The following PRUNE2 variants were observed in gnomAD, a reference collection of about 807,000 sequenced individuals.
The protein encoded by PRUNE2 is prune homolog 2 with BCH domain.
A neutral mutation model predicts 252.0 loss-of-function variants in PRUNE2; 164 were observed. The observed-to-expected ratio is 0.65, with a 90% CI of 0.57 to 0.74. PRUNE2 has a LOEUF of 0.74. Ranked by LOEUF, PRUNE2 falls within the 30% of genes least tolerant of loss-of-function variation. The pLI is 0.00. For synonymous variants in PRUNE2, 1,292 were observed against 1,350.2 expected, an observed-to-expected ratio of 0.96 and a Z score of 0.94; for missense variants, 3,495 against 3,711.0, an observed-to-expected ratio of 0.94 and a Z score of 1.51.
chr9:76,896,478 T>A (rs1182011532), intron 1 of PRUNE2, among the ~76,000 whole-genome samples: 1 of 152,180 alleles, frequency 6.6e-6, no homozygotes, highest in Non-Finnish European at 1.5e-5. Flanking sequence ...ACCGTGGACA[T>A]AAGAACTGTT....
intron 1 of PRUNE2, among the ~76,000 whole-genome samples, chr9:76,897,394 T>A: frequency 2.3e-5 from 1 of 43,946 alleles, no homozygotes; most frequent in South Asian, 9.8e-4. Flanking sequence ...AAACCTCTTT[T>A]TTTTTTTTTT....
At chr9:76,837,406 C>A (rs373888271) in intron 4 of PRUNE2, among the ~76,000 whole-genome samples, 1 of 151,146 alleles carries the variant, frequency 6.6e-6, no homozygotes, top group African/African-American at 2.4e-5. Context: ...TGTGCCATTG[C>A]ACTCCGGCCT....
chr9:76,785,012 T>C (rs2054826022), intron 6 of PRUNE2: 1 of 152,190 alleles, frequency 6.6e-6, no homozygotes, highest in African/African-American at 2.4e-5. Flanking sequence ...AAGTCCTTTA[T>C]CCCTCCCCTT....
intron 11 of PRUNE2, among the ~76,000 whole-genome samples, chr9:76,645,902 T>TAAGTA (rs933528478): frequency 4.6e-5 from 7 of 152,250 alleles, no homozygotes; most frequent in Admixed American, 4.6e-4. Context: ...ACTATTGTGT[T>TAAGTA]AAGTATTGAC....
chr9:76,825,084 CCT>C (rs567058001), intron 5 of PRUNE2, among the ~76,000 whole-genome samples: 87 of 152,282 alleles, frequency 5.7e-4, no homozygotes, highest in African/African-American at 2.0e-3. Flanking sequence ...CCAGCACCTG[CCT>C]CTCTTTTCCT....
At chr9:76,680,298 A>G (rs2043282572) in intron 9 of PRUNE2, among the ~76,000 whole-genome samples, 1 of 152,216 alleles carries the variant, frequency 6.6e-6, no homozygotes, top group Admixed American at 6.5e-5. Context: ...AATCAAAACT[A>G]CAATGATATA....
intron 6 of PRUNE2, among the ~76,000 whole-genome samples, chr9:76,731,322 ATATTT>A (rs1239582763): frequency 2.0e-5 from 2 of 101,514 alleles, no homozygotes; most frequent in East Asian, 3.8e-4. Context: ...ATATATATAT[ATATTT>A]TTTTTTTTTT....
intron 6 of PRUNE2, among the ~76,000 whole-genome samples, chr9:76,715,570 T>C (rs141681582): frequency 1.0e-3 from 154 of 152,374 alleles, no homozygotes; most frequent in African/African-American, 3.5e-3. Flanking sequence ...ATGACATTTA[T>C]GATCATATAA....
chr9:76,753,228 T>C (rs2050786597), intron 6 of PRUNE2, among the ~76,000 whole-genome samples: 1 of 152,042 alleles, frequency 6.6e-6, no homozygotes, highest in Non-Finnish European at 1.5e-5. Flanking sequence ...TGGAGTCTCA[T>C]TATGTTGCCC....
At chr9:76,639,382 T>C (rs770734379) in intron 12 of PRUNE2, among the ~76,000 whole-genome samples, 26 of 152,062 alleles carry the variant, frequency 1.7e-4, no homozygotes, top group Non-Finnish European at 3.1e-4. Flanking sequence ...TCCCAGCTAT[T>C]TGGAAGGCTG....
chr9:76,712,083 TTAA>T (rs942712747), intron 7 of PRUNE2, among the ~76,000 whole-genome samples: 1 of 151,982 alleles, frequency 6.6e-6, no homozygotes, highest in African/African-American at 2.4e-5. Context: ...AGAGATAAAA[TTAA>T]TAATAATAAT....
At chr9:76,642,738 G>C (rs1360579775) in intron 12 of PRUNE2, among the ~76,000 whole-genome samples, 2 of 152,210 alleles carry the variant, frequency 1.3e-5, no homozygotes, top group Admixed American at 6.5e-5. Flanking sequence ...TCCTAATGTG[G>C]AAGACAAAGC....
chr9:76,760,755 A>G (rs1040909864), intron 6 of PRUNE2, among the ~76,000 whole-genome samples: 2 of 152,072 alleles, frequency 1.3e-5, no homozygotes, highest in African/African-American at 4.8e-5. Context: ...CTCTACATGC[A>G]TCTTAGATTT....
intron 6 of PRUNE2, chr9:76,787,023 T>C (rs1206416519): frequency 6.6e-6 from 1 of 152,216 alleles, no homozygotes; most frequent in Non-Finnish European, 1.5e-5. Flanking sequence ...CTGCCTTCAG[T>C]GTCCTCTGCA....
intron 6 of PRUNE2, among the ~76,000 whole-genome samples, chr9:76,744,582 A>G (rs1010180404): frequency 1.3e-5 from 2 of 152,190 alleles, no homozygotes; most frequent in African/African-American, 4.8e-5. Flanking sequence ...GGGGCAGAAT[A>G]TGAACTTGCT....
intron 6 of PRUNE2, among the ~76,000 whole-genome samples, chr9:76,783,106 T>A (rs1227510928): frequency 6.6e-6 from 1 of 152,142 alleles, no homozygotes; most frequent in Non-Finnish European, 1.5e-5. Flanking sequence ...GACACTTGAT[T>A]AACATCAGTT....
intron 1 of PRUNE2, among the ~76,000 whole-genome samples, chr9:76,884,275 G>A (rs913690799): frequency 1.2e-4 from 18 of 152,098 alleles, no homozygotes; most frequent in Admixed American, 3.9e-4. Context: ...CAACATAATC[G>A]GGTGGGGGCT....
In PRUNE2 at chr9:76,708,670, T is replaced by G. The variant is rs745517695; in HGVS notation, c.3604A>C (p.Ser1202Arg). ...SDEHTKDSAP[S>R]EHHTLNEKSG... Reference sequence around the variant, plus strand: ...TTCTCATTCAATGTGTGATGTTCACTGGGAGCACTGTCCTTGGTATGCTCA... The same window carrying G: ...TTCTCATTCAATGTGTGATGTTCACGGGGAGCACTGTCCTTGGTATGCTCA... The change falls in exon 8 of 19, where the codon AGT becomes CGT. Residue 1202 changes from serine to arginine, a missense_variant. Transcript: ENST00000376718. 1 of 1,614,008 alleles carries G rather than the reference T, an allele frequency of 6.2e-7. No homozygotes were observed. The highest frequency in any genetic ancestry group is 1.1e-5 in the South Asian group (1 of 91,082).
At chr9:76,799,057 T>C (rs1229087250) in intron 6 of PRUNE2, among the ~76,000 whole-genome samples, 1 of 151,902 alleles carries the variant, frequency 6.6e-6, no homozygotes, top group African/African-American at 2.4e-5. Flanking sequence ...TCAGTGATTT[T>C]TGGCCAAACG....
Sources: allele counts gnomAD v4.1 joint callset (sites outside exome capture counted in the v4.1 genomes callset), GRCh38; gene constraint gnomAD v4.1.1; transcripts MANE v1.5; gene names NCBI Gene and HGNC (gene_info 2026-07-23, HGNC 2026-07-21).